The following NHLRC2 variants were observed in gnomAD, a reference collection of about 807,000 sequenced individuals.
NHLRC2 encodes the protein NHL repeat-containing protein 2.
A neutral mutation model predicts 68.1 loss-of-function variants in NHLRC2; 33 were observed. The observed-to-expected ratio is 0.48, with a 90% confidence interval of 0.37 to 0.65. The LOEUF is 0.65. NHLRC2 is among the 30% of genes least tolerant of loss of function. NHLRC2 has a pLI of 0.00. For missense variants in NHLRC2, 761 were observed against 853.8 expected (o/e 0.89, Z 1.35); for synonymous variants, 311 against 309.6 (o/e 1.00, Z -0.05).
intron 5 of NHLRC2, among the ~76,000 whole-genome samples, chr10:113,893,643 A>G (rs1280390111): frequency 6.6e-6 from 1 of 152,152 alleles, no homozygotes; most frequent in Non-Finnish European, 1.5e-5. Flanking sequence ...TTCCTCGGGC[A>G]TCTGAAGGAA....
rs1337490627 is a variant in NHLRC2, at chr10:113,854,829, C to T, written c.-44C>T. On this transcript the variant is annotated 5_prime_UTR_variant, in exon 1 of 11. Coordinates refer to ENST00000369301, the MANE Select transcript of NHLRC2 (RefSeq NM_198514.4). ...GAACGTTTCGTCTCTCCCAGCGAGA[C>T]TCTCCCGCGGGCCCGGCGGCCGCAT... The T allele has an allele frequency of 6.6e-7, 1 of 1,509,058 alleles. No homozygotes were observed. The highest frequency in any genetic ancestry group is 8.9e-7 in the Non-Finnish European group (1 of 1,126,206). 93.5% of individuals were successfully genotyped at this position (1,509,058 alleles called of 1,614,324 possible). A position where few individuals can be genotyped will look rare whatever the true frequency, so the allele number is the denominator to read the frequency against.
chr10:113,858,728 C>T, intron 2 of NHLRC2, 48 bp downstream of exon 2: 1 of 1,407,812 alleles, frequency 7.1e-7, no homozygotes, highest in Non-Finnish European at 9.9e-7. Context: ...GGCATAGTCA[C>T]TGGAAGAGTG....
intron 5 of NHLRC2, among the ~76,000 whole-genome samples, chr10:113,893,804 T>C (rs971133644): frequency 6.6e-6 from 1 of 152,204 alleles, no homozygotes. Context: ...CACTCAGCTA[T>C]GCACCAACAT....
intron 5 of NHLRC2, among the ~76,000 whole-genome samples, chr10:113,895,446 A>G (rs1484660568): frequency 1.3e-5 from 2 of 152,196 alleles, no homozygotes; most frequent in Admixed American, 1.3e-4. Flanking sequence ...AAAATAGGCA[A>G]GGTAAGGAGC....
At chr10:113,865,187 G>A (rs112732703) in intron 2 of NHLRC2, among the ~76,000 whole-genome samples, 1 of 151,834 alleles carries the variant, frequency 6.6e-6, no homozygotes, top group Non-Finnish European at 1.5e-5. Flanking sequence ...CTGACCTCGT[G>A]ATACGCCTGC....
chr10:113,891,144 T>C (rs576643458), intron 5 of NHLRC2, among the ~76,000 whole-genome samples: 1 of 152,332 alleles, frequency 6.6e-6, no homozygotes, highest in African/African-American at 2.4e-5. Flanking sequence ...ACCATATCAT[T>C]TGTAGAAGGA....
At position 113,858,620 on chromosome 10, in the gene NHLRC2, A is replaced by T; in HGVS notation, c.271A>T (p.Ile91Leu). Residue 91 changes from isoleucine to leucine, a missense_variant, in exon 2 of 11, where the codon ATA becomes TTA. Physicochemically the swap from Ile to Leu is conservative, Grantham distance 5. Transcript: ENST00000369301. ...CCTTGATTTCTTCACCTACTGCTGCATAAACTGTATTCACCTATTGCCTGA... is the reference window on the plus strand; with the variant it reads ...CCTTGATTTCTTCACCTACTGCTGCTTAAACTGTATTCACCTATTGCCTGA... ...VVLDFFTYCC[I>L]NCIHLLPDLH... The T allele has an allele frequency of 6.2e-7, 1 of 1,610,612 alleles. No individual in the cohort carries two copies. Among genetic ancestry groups the T allele is most frequent in the Non-Finnish European group, 8.5e-7 (1 of 1,176,818 alleles).
intron 2 of NHLRC2, among the ~76,000 whole-genome samples, chr10:113,862,496 CAG>C (rs1845826897): frequency 8.1e-6 from 1 of 123,020 alleles, no homozygotes; most frequent in Non-Finnish European, 2.0e-5. Flanking sequence ...AAAAAAAAAA[CAG>C]TAATGTAGAA....
chr10:113,888,880 G>A (rs1250970604), intron 5 of NHLRC2, among the ~76,000 whole-genome samples: 1 of 147,508 alleles, frequency 6.8e-6, no homozygotes, highest in East Asian at 2.0e-4. Flanking sequence ...AGGCTGGAGT[G>A]CAGTGACGTG....
At chr10:113,860,487 A>C (rs942744583) in intron 2 of NHLRC2, among the ~76,000 whole-genome samples, 6 of 152,190 alleles carry the variant, frequency 3.9e-5, no homozygotes, top group Non-Finnish European at 8.8e-5. Context: ...TCAACAAAGA[A>C]TCACAAAGCA....
intron 2 of NHLRC2, among the ~76,000 whole-genome samples, chr10:113,872,340 A>G (rs1845934687): frequency 6.6e-6 from 1 of 152,162 alleles, no homozygotes; most frequent in Non-Finnish European, 1.5e-5. Context: ...GAAAAAGGGA[A>G]CTGTCAGAAG....
At chr10:113,905,423 T>G (rs1369241627) in intron 10 of NHLRC2, among the ~76,000 whole-genome samples, 1 of 152,210 alleles carries the variant, frequency 6.6e-6, no homozygotes, top group Non-Finnish European at 1.5e-5. Context: ...TCTGTGACTC[T>G]TCCTTTCAGT....
intron 3 of NHLRC2, among the ~76,000 whole-genome samples, chr10:113,877,929 T>C (rs1477322315): frequency 6.6e-6 from 1 of 152,148 alleles, no homozygotes; most frequent in Non-Finnish European, 1.5e-5. Flanking sequence ...ACTCAAAAAG[T>C]GTCTTTTGTA....
At position 113,913,394 on chromosome 10, in the gene NHLRC2, G is replaced by T. The variant is rs149262749; in HGVS notation, c.*4858G>T. 1.3e-5 allele frequency: 2 copies of T among 152,140 alleles called. No homozygotes were observed. Among genetic ancestry groups the T allele is most frequent in the African/African-American group, 2.4e-5 (1 of 41,490 alleles). The allele number at this position is 152,140 out of a possible 1,614,324, so 9.4% of individuals were successfully genotyped here. ...ACTTTGCATTATATACTGTTATTCAGACCTTGGAACAGTCTATAATTGTTT... is the reference window on the plus strand; with the variant it reads ...ACTTTGCATTATATACTGTTATTCATACCTTGGAACAGTCTATAATTGTTT... On this transcript the variant is annotated 3_prime_UTR_variant, in exon 11 of 11. Transcript: ENST00000369301.
intron 5 of NHLRC2, among the ~76,000 whole-genome samples, chr10:113,886,567 A>G (rs552392220): frequency 6.6e-5 from 10 of 152,328 alleles, no homozygotes; most frequent in African/African-American, 2.2e-4. Context: ...TAGAAAACCC[A>G]GAAATAAACC....
intron 2 of NHLRC2, among the ~76,000 whole-genome samples, chr10:113,868,658 A>G (rs1046536430): frequency 6.6e-5 from 10 of 152,300 alleles, no homozygotes; most frequent in Middle Eastern, 3.4e-3. Flanking sequence ...ATTAGTAGGC[A>G]TTATAGTCTA....
chr10:113,904,051 C>G (rs1203659677), intron 9 of NHLRC2, among the ~76,000 whole-genome samples: 2 of 149,256 alleles, frequency 1.3e-5, no homozygotes, highest in East Asian at 3.9e-4. Context: ...CTGACATACA[C>G]TACATACACC....
chr10:113,854,825 G>A lies in NHLRC2; in HGVS notation c.-48G>A, dbSNP rs1300804419. On this transcript the variant is annotated 5_prime_UTR_variant, in exon 1 of 11. Coordinates refer to ENST00000369301, the MANE Select transcript of NHLRC2 (RefSeq NM_198514.4). ...CAGTGAACGTTTCGTCTCTCCCAGC[G>A]AGACTCTCCCGCGGGCCCGGCGGCC... is the stretch of plus-strand genomic sequence containing the variant. 6.7e-7 allele frequency: 1 copy of A among 1,501,654 alleles called. No homozygotes were observed. The highest frequency in any genetic ancestry group is 1.4e-5 in the African/African-American group (1 of 71,468). The allele number at this position is 1,501,654 out of a possible 1,614,324, so 93.0% of individuals were successfully genotyped here. A position where few individuals can be genotyped will look rare whatever the true frequency, so the allele number is the denominator to read the frequency against.
intron 5 of NHLRC2, among the ~76,000 whole-genome samples, chr10:113,897,069 G>A (rs960635642): frequency 9.9e-5 from 15 of 151,920 alleles, no homozygotes; most frequent in African/African-American, 3.6e-4. Flanking sequence ...AATTAAGTTA[G>A]AATGAATAAG....
Sources: gnomAD v4.1 joint callset for allele counts (sites outside exome capture counted in the v4.1 genomes callset) on GRCh38, gnomAD v4.1.1 for gene constraint, MANE v1.5 for transcripts, NCBI Gene and HGNC (gene_info 2026-07-23, HGNC 2026-07-21) for gene names.